The following COL18A1 variants were observed in gnomAD, a reference collection of about 807,000 sequenced individuals.
COL18A1 encodes the protein collagen type XVIII alpha 1 chain, also known as collagen alpha-1(XVIII) chain.
In COL18A1, 133 loss-of-function variants were observed where a neutral mutation model predicts 168.0. The observed-to-expected ratio is 0.79, with a 90% CI of 0.69 to 0.91. The LOEUF (loss-of-function observed/expected upper bound fraction) is 0.91. Among genes scored for constraint, COL18A1 ranks in the 40% least tolerant of loss-of-function variants. COL18A1 has a pLI of 0.00. For synonymous variants in COL18A1, 949 were observed against 809.0 expected (o/e 1.17, Z -2.94); for missense variants, 2,126 against 1,925.4 (o/e 1.10, Z -1.95).
At chr21:45,476,824 T>C (rs565774733) in intron 6 of COL18A1, among the ~76,000 whole-genome samples, 1 of 151,434 alleles carries the variant, frequency 6.6e-6, no homozygotes, top group Non-Finnish European at 1.5e-5. Context: ...TGGTGTGCAG[T>C]GCATGTTGTG....
chr21:45,412,483 C>G (rs1420973176), intron 2 of COL18A1, among the ~76,000 whole-genome samples: 1 of 152,110 alleles, frequency 6.6e-6, no homozygotes, highest in Non-Finnish European at 1.5e-5. Flanking sequence ...CTCAGGTGGT[C>G]CACCTGCCTC....
At chr21:45,405,703 G>C (rs1187377963) in intron 2 of COL18A1, among the ~76,000 whole-genome samples, 2 of 150,182 alleles carry the variant, frequency 1.3e-5, no homozygotes, top group Non-Finnish European at 3.0e-5. Context: ...TGCGCGGTGC[G>C]AGCGGCCGGA....
At chr21:45,432,851 GC>G (rs1407179147) in intron 2 of COL18A1, among the ~76,000 whole-genome samples, 1 of 152,206 alleles carries the variant, frequency 6.6e-6, no homozygotes, top group Non-Finnish European at 1.5e-5. Flanking sequence ...CCTCGGTACA[GC>G]CGGGAGGGGC....
chr21:45,487,535 G>A (rs375572068), intron 17 of COL18A1, 26 bp downstream of exon 17: 39 of 1,611,362 alleles, frequency 2.4e-5, no homozygotes, highest in African/African-American at 8.0e-5. Context: ...GGGCGTGGCC[G>A]GCTCTGAGGG....
At chr21:45,418,273 C>T (rs2033504458) in intron 2 of COL18A1, among the ~76,000 whole-genome samples, 1 of 152,224 alleles carries the variant, frequency 6.6e-6, no homozygotes, top group Non-Finnish European at 1.5e-5. Context: ...CGGCCCCCGG[C>T]TGCCGAAGTG....
intron 2 of COL18A1, among the ~76,000 whole-genome samples, chr21:45,419,035 G>A (rs28575422): frequency 0.03 from 4,495 of 152,352 alleles, 199 homozygotes; most frequent in African/African-American, 0.1. Context: ...AAGGATGGAC[G>A]CGAGGACCAG....
Position 45,511,170 on chromosome 21 carries a change from G to T in COL18A1, c.3753G>T (p.Lys1251Asn). Residue 1251 changes from lysine to asparagine, a missense_variant, in exon 41 of 42, where the codon AAG (lysine) becomes AAT (asparagine). Physicochemically the swap from Lys to Asn is moderately conservative, Grantham distance 94. Transcript: ENST00000651438. Reference sequence around the variant, plus strand: ...TCTCAGGCTCTGAGGGTCCGCTGAAGCCCGGGGCACGCATCTTCTCCTTTG... The same window carrying T: ...TCTCAGGCTCTGAGGGTCCGCTGAATCCCGGGGCACGCATCTTCTCCTTTG... ...ALFSGSEGPL[K>N]PGARIFSFDG... 6.2e-7 allele frequency: 1 copy of T among 1,602,070 alleles called. No homozygotes were observed.
chr21:45,509,805 CG>C (rs199804941), intron 39 of COL18A1, among the ~76,000 whole-genome samples: 2,086 of 152,296 alleles, frequency 0.014, 54 homozygotes, highest in African/African-American at 0.047. Flanking sequence ...AAAGTCCAGC[CG>C]CTGTCACATC....
In COL18A1 at chr21:45,463,233, C is replaced by G. The variant is rs1233274428; in HGVS notation, c.107-5009C>G. On this transcript the variant is annotated intron_variant, in intron 2 of 41. Transcript: ENST00000651438. This position sits in a 1 kb window ranked among gnomAD's most constrained non-coding sequence, Gnocchi z 4.0. ...CTGCACATCTGTGATCCCAGGCAAC[C>G]TGATCAGAGCACAGGTTCTCGATGT... 6.6e-6 allele frequency among the ~76,000 whole-genome samples: 1 copy of G among 152,222 alleles called. No homozygotes were observed. Among genetic ancestry groups the G allele is most frequent in the African/African-American group, 2.4e-5 (1 of 41,456 alleles).
In COL18A1 at chr21:45,474,000, A is replaced by C. The variant is rs58673292; in HGVS notation, c.738+19A>C. 8.8e-4 allele frequency: 1,384 copies of C among 1,564,908 alleles called. 11 individuals are homozygous for C. In the African/African-American group the frequency reaches 0.016, roughly 19 times the overall value. The stretch of plus-strand genomic sequence containing the variant: ...AGATGGGGTGAGTGACATCTGGGGC[A>C]CGGGTGGGGTCTCCCCTCAATCCCT... On this transcript the variant is annotated intron_variant, in intron 4 of 41. Transcript: ENST00000651438. The surrounding 1 kb of genome is among the most constrained non-coding windows in gnomAD (Gnocchi z 4.0).
intron 2 of COL18A1, among the ~76,000 whole-genome samples, chr21:45,449,129 G>A (rs551037259): frequency 2.0e-5 from 3 of 152,286 alleles, no homozygotes; most frequent in South Asian, 2.1e-4. Flanking sequence ...CCCGCTGCCC[G>A]GCTCATGACC....
Position 45,443,924 on chromosome 21 carries a change from C to T in COL18A1, c.107-24318C>T, listed in dbSNP as rs994954592. Among the ~76,000 whole-genome samples the T allele has an allele frequency of 6.6e-6, 1 of 152,162 alleles. No individual in the cohort carries two copies. Among genetic ancestry groups the T allele is most frequent in the South Asian group, 2.1e-4 (1 of 4,830 alleles). On this transcript the variant is annotated intron_variant, in intron 2 of 41. Coordinates refer to ENST00000651438, the MANE Select transcript of COL18A1 (RefSeq NM_001379500.1). This position sits in a 1 kb window ranked among gnomAD's most constrained non-coding sequence, Gnocchi z 5.2. ...AAGGGGACCGTCCTCCCAGTGGCAG[C>T]CAGGACTGCCTGTCCTCTTTTGGGT...
At chr21:45,475,722 G>C (rs899849164) in intron 5 of COL18A1, among the ~76,000 whole-genome samples, 187 bp downstream of exon 5, 4 of 151,600 alleles carry the variant, frequency 2.6e-5, no homozygotes, top group Non-Finnish European at 5.9e-5. Context: ...CACAGGCCCC[G>C]CTCCGGCCCT....
At chr21:45,451,345 C>G (rs1602410410) in intron 2 of COL18A1, among the ~76,000 whole-genome samples, 1 of 152,360 alleles carries the variant, frequency 6.6e-6, no homozygotes, top group South Asian at 2.1e-4. Context: ...GATGTGCAAC[C>G]CAGCAGCTGG....
chr21:45,456,823 C>A lies in COL18A1; in HGVS notation c.107-11419C>A, dbSNP rs1484415095. 6 of 1,523,744 alleles carry A rather than the reference C, an allele frequency of 3.9e-6. No homozygotes were observed. In the East Asian group the frequency reaches 1.5e-4, roughly 38 times the overall value. 94.4% of individuals were successfully genotyped at this position (1,523,744 alleles called of 1,614,324 possible). A position where few individuals can be genotyped will look rare whatever the true frequency, so the allele number is the denominator to read the frequency against. On this transcript the variant is annotated intron_variant, in intron 2 of 41. Transcript: ENST00000651438. ...TGGGCGGGGGCCGGCTGCCCGTCGC[C>A]TGTGCCTCGCTCCCGACCCAGGAGG...
rs370679863 is a variant in COL18A1, at chr21:45,477,407, C to T, written c.929-4C>T. 2.5e-6 allele frequency: 4 copies of T among 1,611,768 alleles called. No homozygotes were observed. Among genetic ancestry groups the T allele is most frequent in the Non-Finnish European group, 3.4e-6 (4 of 1,179,202 alleles). ...ACCGTGGCCACCTCTGCTTCTCTTC[C>T]CAGCTCAGACACTTCCTGGCTCAGA... On this transcript the variant is annotated splice_polypyrimidine_tract_variant and splice_region_variant and intron_variant, in intron 6 of 41. Coordinates refer to ENST00000651438, the MANE Select transcript of COL18A1 (RefSeq NM_001379500.1).
At chr21:45,452,840 A>G (rs1259516988) in intron 2 of COL18A1, among the ~76,000 whole-genome samples, 1 of 136,442 alleles carries the variant, frequency 7.3e-6, no homozygotes, top group Admixed American at 7.2e-5. Flanking sequence ...GACATGTGTA[A>G]ACATGTATGT....
intron 38 of COL18A1, among the ~76,000 whole-genome samples, chr21:45,508,757 C>T (rs1200017018): frequency 6.6e-6 from 1 of 152,124 alleles, no homozygotes; most frequent in Non-Finnish European, 1.5e-5. Context: ...TAGTCATGGC[C>T]CCTCCTGTGT....
intron 29 of COL18A1, chr21:45,495,839 A>G (rs1458306582): frequency 1.2e-5 from 4 of 334,386 alleles, no homozygotes; most frequent in African/African-American, 6.4e-5. Flanking sequence ...CCATACAGGT[A>G]TATACATACA....
Sources: allele counts gnomAD v4.1 joint callset (sites outside exome capture counted in the v4.1 genomes callset), GRCh38; gene constraint gnomAD v4.1.1; non-coding constraint Gnocchi (gnomAD v3.1); transcripts MANE v1.5; gene names NCBI Gene and HGNC (gene_info 2026-07-23, HGNC 2026-07-21).